DKK2: variants seen among roughly 807,000 people sequenced by gnomAD.
DKK2 encodes dickkopf Wnt signaling pathway inhibitor 2.
A neutral mutation model predicts 28.1 loss-of-function variants in DKK2; 11 were observed. The ratio of observed to expected loss-of-function variants is 0.39; its 90% CI spans 0.25 to 0.65. The LOEUF (loss-of-function observed/expected upper bound fraction) is 0.65. Ranked by LOEUF, DKK2 falls within the 30% of genes least tolerant of loss-of-function variation. The pLI is 0.47. For synonymous variants in DKK2, 135 were observed against 126.5 expected, an observed-to-expected ratio of 1.07 and a Z score of -0.45; for missense variants, 326 against 335.5, an observed-to-expected ratio of 0.97 and a Z score of 0.22.
intron 1 of DKK2, among the ~76,000 whole-genome samples, chr4:107,018,491 T>C (rs1445054039): frequency 6.6e-6 from 1 of 152,098 alleles, no homozygotes; most frequent in Non-Finnish European, 1.5e-5. Context: ...GGCTCATATC[T>C]GAGAGATGAC....
intron 1 of DKK2, among the ~76,000 whole-genome samples, chr4:106,935,492 G>T (rs987960472): frequency 2.0e-5 from 3 of 152,212 alleles, no homozygotes; most frequent in Admixed American, 6.5e-5. Flanking sequence ...CTGATTGCTA[G>T]CACAGCAGTC....
Position 107,035,511 on chromosome 4 carries a change from C to G in DKK2, c.81G>C (p.Gln27His). ...TGAGTTTGGCCCGCGAACTGCCGAT[C>G]TGTGAGCTCTCCACCATCAGCACCG... The part of the protein sequence containing the change: ...LAAVLMVESS[Q>H]IGSSRAKLNS... Residue 27 changes from glutamine (Q) to histidine (H), a missense_variant, in exon 1 of 4, where the codon CAG becomes CAC. By Grantham distance (24) the Gln-to-His change is conservative. Coordinates refer to ENST00000285311, the MANE Select transcript of DKK2 (RefSeq NM_014421.3). 6.2e-7 allele frequency: 1 copy of G among 1,614,252 alleles called. No individual in the cohort carries two copies. Among genetic ancestry groups the G allele is most frequent in the Non-Finnish European group, 8.5e-7 (1 of 1,180,056 alleles).
chr4:106,959,242 T>A (rs536407224), intron 1 of DKK2, among the ~76,000 whole-genome samples: 1 of 152,284 alleles, frequency 6.6e-6, no homozygotes, highest in South Asian at 2.1e-4. Context: ...AGATTAGGAA[T>A]GAAATATCCC....
intron 1 of DKK2, among the ~76,000 whole-genome samples, chr4:106,932,227 G>A (rs1037314003): frequency 1.3e-5 from 2 of 152,114 alleles, no homozygotes; most frequent in African/African-American, 4.8e-5. Context: ...AGATGAAAGA[G>A]TATCTCCTAA....
At chr4:106,941,067 C>A (rs1429976804) in intron 1 of DKK2, among the ~76,000 whole-genome samples, 2 of 151,798 alleles carry the variant, frequency 1.3e-5, no homozygotes, top group African/African-American at 2.4e-5. Flanking sequence ...ATGTAACTAA[C>A]CTGCACAATG....
chr4:106,977,751 C>T (rs953988634), intron 1 of DKK2, among the ~76,000 whole-genome samples: 5 of 152,208 alleles, frequency 3.3e-5, no homozygotes, highest in African/African-American at 1.2e-4. Context: ...ATTCGTCAAA[C>T]TCATTCTCCG....
chr4:106,979,532 C>T (rs944826842), intron 1 of DKK2, among the ~76,000 whole-genome samples: 2 of 151,498 alleles, frequency 1.3e-5, no homozygotes, highest in South Asian at 4.2e-4. Context: ...TTTTAACTGC[C>T]GCTAAGATTT....
intron 1 of DKK2, among the ~76,000 whole-genome samples, chr4:106,977,848 G>A (rs1005072892): frequency 2.6e-5 from 4 of 152,164 alleles, no homozygotes; most frequent in East Asian, 1.9e-4. Context: ...GCCTTTTTGC[G>A]CTGGGTTTTC....
At chr4:107,013,859 C>G (rs1282126297) in intron 1 of DKK2, among the ~76,000 whole-genome samples, 1 of 151,458 alleles carries the variant, frequency 6.6e-6, no homozygotes, top group African/African-American at 2.4e-5. Context: ...AACAAATAAT[C>G]TCATTTAAAA....
rs578104264 is a variant in DKK2, at chr4:106,956,342, A to G, written c.223-30393T>C. The stretch of plus-strand genomic sequence containing the variant: ...CCATACTGCCCAAGGTAATTTATAG[A>G]TTCAATGCCATCCCCATCAAGCTAC... On this transcript the variant is annotated intron_variant, in intron 1 of 3. Transcript: ENST00000285311. Among the ~76,000 whole-genome samples, 5 of 152,256 alleles carry G rather than the reference A, an allele frequency of 3.3e-5. No homozygotes were observed. The East Asian group carries it at 7.7e-4, about 24-fold the overall frequency.
chr4:106,942,256 C>T (rs1019608602), intron 1 of DKK2, among the ~76,000 whole-genome samples: 2 of 152,262 alleles, frequency 1.3e-5, no homozygotes, highest in Admixed American at 6.5e-5. Context: ...TGGTCCCCCA[C>T]ACCACCCACA....
At chr4:106,949,614 A>G (rs989702875) in intron 1 of DKK2, among the ~76,000 whole-genome samples, 1 of 152,150 alleles carries the variant, frequency 6.6e-6, no homozygotes, top group African/African-American at 2.4e-5. Flanking sequence ...ATCAATTCAG[A>G]TGTAGCTTTA....
At chr4:107,014,948 C>T (rs914540920) in intron 1 of DKK2, among the ~76,000 whole-genome samples, 1 of 151,534 alleles carries the variant, frequency 6.6e-6, no homozygotes, top group Non-Finnish European at 1.5e-5. Context: ...TGGTGTTAAT[C>T]TACCCTAATT....
intron 1 of DKK2, among the ~76,000 whole-genome samples, chr4:106,992,260 T>G (rs920753457): frequency 5.9e-5 from 9 of 152,210 alleles, no homozygotes; most frequent in Non-Finnish European, 1.3e-4. Context: ...GTTTACTAAG[T>G]GCTGGACTGT....
chr4:107,027,362 A>G lies in DKK2; in HGVS notation c.222+8008T>C, dbSNP rs78839584. Among the ~76,000 whole-genome samples, 203 of 152,268 alleles carry G rather than the reference A, an allele frequency of 1.3e-3. 2 individuals carry two copies. The East Asian group carries it at 0.034, about 25-fold the overall frequency. On this transcript the variant is annotated intron_variant, in intron 1 of 3. Transcript: ENST00000285311. ...TGGCAGTTTGTTTCCAATATGTTAAATGAAATTTATCACATGCTTCCATGA... is the reference window on the plus strand; with the variant it reads ...TGGCAGTTTGTTTCCAATATGTTAAGTGAAATTTATCACATGCTTCCATGA...
intron 1 of DKK2, among the ~76,000 whole-genome samples, chr4:107,023,400 A>G (rs1723724550): frequency 1.3e-5 from 2 of 152,102 alleles, no homozygotes; most frequent in Non-Finnish European, 2.9e-5. Flanking sequence ...ATGGCTACAT[A>G]TGGTATGATT....
At chr4:107,022,228 G>T (rs1723707428) in intron 1 of DKK2, among the ~76,000 whole-genome samples, 1 of 152,074 alleles carries the variant, frequency 6.6e-6, no homozygotes, top group South Asian at 2.1e-4. Context: ...TCAACTAGAT[G>T]CTTCAAGTGC....
chr4:106,989,046 A>C (rs772077440), intron 1 of DKK2, among the ~76,000 whole-genome samples: 2 of 152,178 alleles, frequency 1.3e-5, no homozygotes, highest in African/African-American at 4.8e-5. Flanking sequence ...CTCTTCCTGT[A>C]AGTGACCTGA....
intron 1 of DKK2, among the ~76,000 whole-genome samples, chr4:106,954,948 T>C (rs1182091283): frequency 6.6e-6 from 1 of 152,214 alleles, no homozygotes; most frequent in East Asian, 1.9e-4. Context: ...TTCTGAATAA[T>C]GTACAGGGGT....
Sources: gnomAD v4.1 joint callset for allele counts (sites outside exome capture counted in the v4.1 genomes callset) on GRCh38, gnomAD v4.1.1 for gene constraint, MANE v1.5 for transcripts, NCBI Gene and HGNC (gene_info 2026-07-23, HGNC 2026-07-21) for gene names.